The following CRISPLD2 variants were observed in gnomAD, a reference collection of about 807,000 sequenced individuals.
CRISPLD2 encodes the protein cysteine-rich secretory protein LCCL domain-containing 2.
Under a neutral mutation model 71.1 loss-of-function variants are expected in CRISPLD2, and 47 were observed. The ratio of observed to expected loss-of-function variants is 0.66; its 90% CI spans 0.52 to 0.84. CRISPLD2 has a LOEUF of 0.84. Ranked by LOEUF, CRISPLD2 falls within the 40% of genes least tolerant of loss-of-function variation. The pLI, the probability that CRISPLD2 is intolerant of heterozygous loss-of-function variation, is 0.00. For synonymous variants in CRISPLD2, 317 were observed against 250.1 expected (o/e 1.27, Z -2.52); for missense variants, 830 against 651.1 (o/e 1.27, Z -2.99).
chr16:84,824,487 A>G (rs1916303256), intron 1 of CRISPLD2, among the ~76,000 whole-genome samples: 1 of 152,038 alleles, frequency 6.6e-6, no homozygotes, highest in Non-Finnish European at 1.5e-5. Flanking sequence ...TGTTCTTTCC[A>G]TTCTCTGTTC....
chr16:84,891,512 G>A (rs2071662726), intron 14 of CRISPLD2, among the ~76,000 whole-genome samples: 2 of 152,212 alleles, frequency 1.3e-5, no homozygotes, highest in South Asian at 4.1e-4. Flanking sequence ...TTAATGAAGG[G>A]AAATTCCACT....
At chr16:84,869,679 T>C (rs978382404) in intron 8 of CRISPLD2, among the ~76,000 whole-genome samples, 1 of 152,188 alleles carries the variant, frequency 6.6e-6, no homozygotes, top group African/African-American at 2.4e-5. Flanking sequence ...CGCTCAGTGT[T>C]AGGGTAGCAT....
chr16:84,825,079 C>G (rs1323228704), intron 1 of CRISPLD2, among the ~76,000 whole-genome samples: 1 of 152,112 alleles, frequency 6.6e-6, no homozygotes, highest in Non-Finnish European at 1.5e-5. Context: ...TGCACTCCAG[C>G]CTGGGTGACG....
intron 9 of CRISPLD2, among the ~76,000 whole-genome samples, chr16:84,872,737 C>T (rs1249655320): frequency 2.6e-5 from 4 of 152,188 alleles, no homozygotes; most frequent in Non-Finnish European, 5.9e-5. Flanking sequence ...AGCATTCACA[C>T]ACTGGACCGA....
At chr16:84,838,962 C>G (rs745980462) in intron 2 of CRISPLD2, 2 of 692,222 alleles carry the variant, frequency 2.9e-6, no homozygotes, top group East Asian at 2.9e-5. Context: ...AATCGTCATG[C>G]CCTGAAACCT....
At chr16:84,825,050 G>T (rs1017493604) in intron 1 of CRISPLD2, among the ~76,000 whole-genome samples, 3 of 152,196 alleles carry the variant, frequency 2.0e-5, no homozygotes, top group Non-Finnish European at 4.4e-5. Context: ...GTTGCAGTGA[G>T]CCGAGATCAC....
intron 14 of CRISPLD2, among the ~76,000 whole-genome samples, chr16:84,905,066 G>C (rs1407395015): frequency 6.6e-6 from 1 of 152,024 alleles, no homozygotes; most frequent in African/African-American, 2.4e-5. Context: ...GGATCACTTG[G>C]GCCCAGGAGT....
intron 14 of CRISPLD2, among the ~76,000 whole-genome samples, chr16:84,889,827 G>A (rs2071646192): frequency 6.7e-6 from 1 of 149,592 alleles, no homozygotes; most frequent in African/African-American, 2.5e-5. Flanking sequence ...TCAAATGATA[G>A]TTACATACTA....
intron 12 of CRISPLD2, among the ~76,000 whole-genome samples, chr16:84,880,216 C>T (rs1422654862): frequency 6.6e-6 from 1 of 152,202 alleles, no homozygotes; most frequent in East Asian, 1.9e-4. Flanking sequence ...CAATTCCACA[C>T]TCTTCTCTCT....
intron 1 of CRISPLD2, 129 bp from the exon 2 acceptor site, chr16:84,838,293 T>C: frequency 1.6e-6 from 1 of 628,814 alleles, no homozygotes; most frequent in East Asian, 2.7e-5. Context: ...CTTGTTTAGC[T>C]TCTGTGGGCC....
chr16:84,871,180 C>G (rs13332198), intron 8 of CRISPLD2, among the ~76,000 whole-genome samples: 3,345 of 152,260 alleles, frequency 0.022, 125 homozygotes, highest in African/African-American at 0.077. Flanking sequence ...ATGTTTAAGT[C>G]TTTCTTAAAG....
intron 14 of CRISPLD2, among the ~76,000 whole-genome samples, chr16:84,890,277 T>C (rs2071649961): frequency 6.6e-6 from 1 of 151,946 alleles, no homozygotes; most frequent in Admixed American, 6.6e-5. Flanking sequence ...GAGAATGGCG[T>C]GAACCCGGGA....
Position 84,906,848 on chromosome 16 carries a change from C to T in CRISPLD2, c.*206C>T, listed in dbSNP as rs1597491423. 1 of 660,750 alleles carries T rather than the reference C, an allele frequency of 1.5e-6. No individual in the cohort carries two copies. Among genetic ancestry groups the T allele is most frequent in the Non-Finnish European group, 2.7e-6 (1 of 369,470 alleles). The allele number at this position is 660,750 out of a possible 1,614,324, so 40.9% of individuals were successfully genotyped here. A position where few individuals can be genotyped will look rare whatever the true frequency, so the allele number is the denominator to read the frequency against. On this transcript the variant is annotated 3_prime_UTR_variant, in exon 15 of 15. Transcript: ENST00000262424. ...CATCCCAAGGTGCTCAGCCGGACTC[C>T]CTGGTGCCTGATCCTGCTGGGGCCT...
Position 84,854,826 on chromosome 16 carries a change from C to T in CRISPLD2, c.706C>T (p.Arg236Ter), listed in dbSNP as rs377586344. The change falls in exon 6 of 15, where the codon CGA becomes TGA. Residue 236 changes from arginine to a stop codon, truncating the protein, a stop_gained. Transcript: ENST00000262424. LOFTEE classifies it high-confidence loss of function. Reference sequence around the variant, plus strand: ...CAGCTGCAGGAACAACTTGTGTTACCGAGGTAGGAAATTTACTCCCAACAC... The same window carrying T: ...CAGCTGCAGGAACAACTTGTGTTACTGAGGTAGGAAATTTACTCCCAACAC... Reference protein sequence around the residue: ...GGSCRNNLCYREETYTPKPET... With the variant: ...GGSCRNNLCY The T allele has an allele frequency of 2.4e-5, 39 of 1,612,858 alleles. No homozygotes were observed. Among genetic ancestry groups the T allele is most frequent in the Non-Finnish European group, 2.1e-5 (25 of 1,178,996 alleles).
chr16:84,835,253 A>G (rs967723570), intron 1 of CRISPLD2, among the ~76,000 whole-genome samples: 2 of 151,830 alleles, frequency 1.3e-5, no homozygotes, highest in Admixed American at 6.6e-5. Flanking sequence ...ACCACGCCCA[A>G]CTGATTTTGT....
At chr16:84,863,619 A>G (rs1162329482) in intron 6 of CRISPLD2, among the ~76,000 whole-genome samples, 1 of 152,188 alleles carries the variant, frequency 6.6e-6, no homozygotes, top group Non-Finnish European at 1.5e-5. Flanking sequence ...CTTCTTCCTC[A>G]TCTGTGAAAT....
chr16:84,846,847 C>T (rs948219020), intron 3 of CRISPLD2, among the ~76,000 whole-genome samples: 10 of 152,232 alleles, frequency 6.6e-5, no homozygotes, highest in South Asian at 2.1e-4. Flanking sequence ...GAGGCATTGA[C>T]GGTTGTCTGT....
intron 2 of CRISPLD2, among the ~76,000 whole-genome samples, chr16:84,843,702 T>G (rs1178268425): frequency 6.6e-6 from 1 of 152,018 alleles, no homozygotes; most frequent in Non-Finnish European, 1.5e-5. Context: ...GTCAGCATGT[T>G]GCATTAGCAT....
intron 13 of CRISPLD2, among the ~76,000 whole-genome samples, chr16:84,887,149 CT>C (rs1044983496): frequency 4.6e-5 from 7 of 152,210 alleles, no homozygotes; most frequent in Non-Finnish European, 8.8e-5. Context: ...CCGATGACCC[CT>C]GGGGCTCGGG....
Sources: gnomAD v4.1 joint callset for allele counts (sites outside exome capture counted in the v4.1 genomes callset) on GRCh38, gnomAD v4.1.1 for gene constraint, MANE v1.5 for transcripts, NCBI Gene and HGNC (gene_info 2026-07-23, HGNC 2026-07-21) for gene names.